Variants in PCDHA6 observed in about 807,000 individuals in gnomAD.
PCDHA6 encodes the protein protocadherin alpha-6.
Under a neutral mutation model 60.3 loss-of-function variants are expected in PCDHA6, and 55 were observed. The ratio of observed to expected loss-of-function variants is 0.91; its 90% CI spans 0.73 to 1.14. The LOEUF (loss-of-function observed/expected upper bound fraction) is 1.14. Ranked by LOEUF, PCDHA6 falls within the 50% of genes most tolerant of loss-of-function variation. PCDHA6 has a pLI of 0.00. For missense variants in PCDHA6, 1,327 were observed against 1,256.5 expected (o/e 1.06, Z -0.85); for synonymous variants, 652 against 557.9 (o/e 1.17, Z -2.38).
intron 1 of PCDHA6, among the ~76,000 whole-genome samples, chr5:140,960,371 T>A (rs2095543916): frequency 6.6e-6 from 1 of 152,196 alleles, no homozygotes; most frequent in Non-Finnish European, 1.5e-5. Context: ...TGCCAACTCT[T>A]AAGTGCCAAG....
chr5:140,913,531 A>T (rs1451484656), intron 1 of PCDHA6, among the ~76,000 whole-genome samples: 1 of 151,914 alleles, frequency 6.6e-6, no homozygotes, highest in Admixed American at 6.6e-5. Flanking sequence ...TTTTCAAAAG[A>T]TTGACTTTTT....
chr5:140,835,907 G>C, intron 1 of PCDHA6: 1 of 1,612,200 alleles, frequency 6.2e-7, no homozygotes, highest in Non-Finnish European at 8.5e-7. Flanking sequence ...CGAGCTACGT[G>C]TCAGTGCACG....
At chr5:140,918,982 G>C (rs1554198889) in intron 1 of PCDHA6, among the ~76,000 whole-genome samples, 1 of 152,188 alleles carries the variant, frequency 6.6e-6, no homozygotes, top group Non-Finnish European at 1.5e-5. Flanking sequence ...AGGTTAGTTG[G>C]TTTTTAGTGT....
At chr5:140,953,928 C>T (rs246028) in intron 1 of PCDHA6, among the ~76,000 whole-genome samples, 85,608 of 151,876 alleles carry the variant, frequency 0.56, 24,758 homozygotes, top group African/African-American at 0.69. Flanking sequence ...CTTCCTGATG[C>T]TCTCCCTCCC....
At chr5:140,860,513 C>A (rs1176536406) in intron 1 of PCDHA6, 3 of 152,110 alleles carry the variant, frequency 2.0e-5, no homozygotes, top group African/African-American at 7.2e-5. Context: ...AGATAAAACT[C>A]TTCATGGAAT....
chr5:140,961,599 G>A (rs1012408317), intron 1 of PCDHA6, among the ~76,000 whole-genome samples: 3 of 152,062 alleles, frequency 2.0e-5, no homozygotes, highest in Non-Finnish European at 4.4e-5. Flanking sequence ...AATGATTCTA[G>A]TAAATGAAAC....
intron 1 of PCDHA6, chr5:140,881,212 G>A: frequency 9.7e-6 from 2 of 206,268 alleles, no homozygotes; most frequent in Non-Finnish European, 1.7e-5. Flanking sequence ...TCTAGCTGTT[G>A]TTTCTTGGAA....
At chr5:140,939,351 T>C (rs918440257) in intron 1 of PCDHA6, among the ~76,000 whole-genome samples, 2 of 152,140 alleles carry the variant, frequency 1.3e-5, no homozygotes, top group Non-Finnish European at 1.5e-5. Flanking sequence ...TTTCAACTTA[T>C]GATTGCAAAG....
chr5:140,884,123 C>A (rs1360744073), intron 1 of PCDHA6: 4 of 1,613,232 alleles, frequency 2.5e-6, no homozygotes, highest in Non-Finnish European at 3.4e-6. Context: ...GGTCGGCGCG[C>A]GCATCCCGTT....
intron 1 of PCDHA6, among the ~76,000 whole-genome samples, chr5:140,909,449 A>G (rs1301796561): frequency 1.3e-5 from 2 of 152,218 alleles, no homozygotes; most frequent in African/African-American, 4.8e-5. Flanking sequence ...GTCATTCTCC[A>G]AGATCCATCT....
intron 1 of PCDHA6, among the ~76,000 whole-genome samples, chr5:140,924,973 GCTCATGT>G (rs1447379119): frequency 2.0e-5 from 3 of 151,826 alleles, no homozygotes; most frequent in African/African-American, 7.2e-5. Flanking sequence ...GAGTGCAGTG[GCTCATGT>G]CTGTAATCCT....
intron 1 of PCDHA6, chr5:140,870,745 G>C (rs369212308): frequency 1.9e-6 from 3 of 1,613,530 alleles, no homozygotes; most frequent in Non-Finnish European, 2.5e-6. Context: ...GAGCAGCAAC[G>C]TGACGCTGCA....
intron 1 of PCDHA6, chr5:140,871,269 G>C (rs782046462): frequency 5.0e-6 from 8 of 1,613,822 alleles, no homozygotes; most frequent in Admixed American, 1.7e-5. Flanking sequence ...CGCTGTGGTG[G>C]TCGGCAACGC....
chr5:140,829,348 G>T lies in PCDHA6; in HGVS notation c.1257G>T (p.Ser419=). Residue 419 remains serine, a synonymous_variant, in exon 1 of 4, where the codon TCG becomes TCT. Coordinates refer to ENST00000529310, the MANE Select transcript of PCDHA6 (RefSeq NM_018909.4). ...GTGCCCTGGACCGCGAGAGCGTGTC[G>T]GCCTATGAGTTGGTGGTAACCGCGC... ...LDSALDRESV[S]AYELVVTARD... is the part of the protein sequence containing the mutation. 2.5e-6 allele frequency: 4 copies of T among 1,614,236 alleles called. No individual in the cohort carries two copies. The highest frequency in any genetic ancestry group is 2.5e-6 in the Non-Finnish European group (3 of 1,180,054).
chr5:140,965,814 T>C (rs1423732818), intron 1 of PCDHA6, among the ~76,000 whole-genome samples: 1 of 152,224 alleles, frequency 6.6e-6, no homozygotes, highest in Non-Finnish European at 1.5e-5. Flanking sequence ...AAACAGAGCA[T>C]TTTAAACATT....
intron 1 of PCDHA6, chr5:140,870,541 G>A: frequency 1.2e-6 from 2 of 1,614,136 alleles, no homozygotes; most frequent in Non-Finnish European, 8.5e-7. Flanking sequence ...GTCGGCGCGG[G>A]ACGCGGACGC....
At position 140,980,488 on chromosome 5, in the gene PCDHA6, G is replaced by A. The variant is rs372283383; in HGVS notation, c.2453+1481G>A. Among the ~76,000 whole-genome samples, 12 of 152,250 alleles carry A rather than the reference G, an allele frequency of 7.9e-5. No individual in the cohort carries two copies. The East Asian group carries it at 1.9e-3, about 25-fold the overall frequency. Reference sequence around the variant, plus strand: ...CTACTAAAAATACAAAAATTAGCTGGGCGTGATGGCATGTGCCTGTAGTTC... The same window carrying A: ...CTACTAAAAATACAAAAATTAGCTGAGCGTGATGGCATGTGCCTGTAGTTC... On this transcript the variant is annotated intron_variant, in intron 2 of 3. Transcript: ENST00000529310.
chr5:140,905,248 C>T (rs143714633), intron 1 of PCDHA6, among the ~76,000 whole-genome samples: 1,610 of 152,202 alleles, frequency 0.011, 17 homozygotes, highest in African/African-American at 0.028. Flanking sequence ...TTCATTCTTC[C>T]ACATGAGGCT....
At chr5:140,951,403 G>A (rs62384504) in intron 1 of PCDHA6, among the ~76,000 whole-genome samples, 5,903 of 152,130 alleles carry the variant, frequency 0.039, 173 homozygotes, top group Non-Finnish European at 0.058. Flanking sequence ...AAGAAAAGAG[G>A]TTTAATTGGC....
Sources: gnomAD v4.1 joint callset for allele counts (sites outside exome capture counted in the v4.1 genomes callset) on GRCh38, gnomAD v4.1.1 for gene constraint, MANE v1.5 for transcripts, NCBI Gene and HGNC (gene_info 2026-07-23, HGNC 2026-07-21) for gene names.